Variants in DTNA observed in about 807,000 individuals in gnomAD.
The protein encoded by DTNA is dystrobrevin alpha, also known as dystrophin-related protein 3.
Under a neutral mutation model 100.7 loss-of-function variants are expected in DTNA, and 43 were observed. That is an observed-to-expected ratio of 0.43 (90% CI 0.33 to 0.55). The LOEUF (loss-of-function observed/expected upper bound fraction) is 0.55, where lower values mean the gene tolerates loss of function less well. Ranked by LOEUF, DTNA falls within the 20% of genes least tolerant of loss-of-function variation. The pLI, the probability that DTNA is intolerant of heterozygous loss-of-function variation, is 0.04. For missense variants in DTNA, 798 were observed against 953.9 expected (o/e 0.84, Z 2.15); for synonymous variants, 349 against 347.9 (o/e 1.00, Z -0.04).
intron 1 of DTNA, among the ~76,000 whole-genome samples, chr18:34,607,610 A>G (rs2053400352): frequency 6.6e-6 from 1 of 152,200 alleles, no homozygotes; most frequent in Non-Finnish European, 1.5e-5. Flanking sequence ...CCCCAATACT[A>G]CAAATACATA....
In DTNA at chr18:34,812,080, A is replaced by C; in HGVS notation, c.570A>C (p.Thr190=). 1 of 1,614,124 alleles carries C rather than the reference A, an allele frequency of 6.2e-7. No individual in the cohort carries two copies. Among genetic ancestry groups the C allele is most frequent in the Middle Eastern group, 1.7e-4 (1 of 6,060 alleles). The change falls in exon 6 of 23, where the codon ACA becomes ACC. Residue 190 remains threonine, a synonymous_variant. Transcript: ENST00000444659. ...AVFEGPSFGY[T]EQSARSCFSQ... ...TTGAAGGTCCTTCATTTGGTTACACAGAACAGTCAGCCAGATCCTGTTTCT... is the reference window on the plus strand; with the variant it reads ...TTGAAGGTCCTTCATTTGGTTACACCGAACAGTCAGCCAGATCCTGTTTCT...
intron 1 of DTNA, among the ~76,000 whole-genome samples, chr18:34,620,477 G>C (rs760684856): frequency 1.3e-5 from 2 of 152,158 alleles, no homozygotes; most frequent in African/African-American, 2.4e-5. Flanking sequence ...CTTACTCATC[G>C]TATTAGTTTA....
At chr18:34,537,661 A>G (rs1034711850) in intron 1 of DTNA, among the ~76,000 whole-genome samples, 3 of 151,992 alleles carry the variant, frequency 2.0e-5, no homozygotes, top group Non-Finnish European at 4.4e-5. Context: ...GAATGGCAAT[A>G]GTACAAAACA....
intron 1 of DTNA, among the ~76,000 whole-genome samples, chr18:34,746,144 G>A (rs1272272212): frequency 6.7e-6 from 1 of 150,038 alleles, no homozygotes; most frequent in Non-Finnish European, 1.5e-5. Flanking sequence ...ATTCAAGGTT[G>A]TCTTATTGCA....
chr18:34,515,342 T>C (rs2041495004), intron 1 of DTNA, among the ~76,000 whole-genome samples: 1 of 152,102 alleles, frequency 6.6e-6, no homozygotes, highest in Non-Finnish European at 1.5e-5. Context: ...TCTGGGTCCT[T>C]GTGCATCTCC....
chr18:34,661,973 C>A (rs566606483), intron 1 of DTNA, among the ~76,000 whole-genome samples: 1 of 152,208 alleles, frequency 6.6e-6, no homozygotes, highest in South Asian at 2.1e-4. Context: ...TATGTCTGCG[C>A]CTCTGTGTGG....
intron 1 of DTNA, among the ~76,000 whole-genome samples, chr18:34,577,924 T>A (rs2048265045): frequency 6.6e-6 from 1 of 150,960 alleles, no homozygotes; most frequent in East Asian, 1.9e-4. Context: ...TAAACATACA[T>A]GTGCAAGTTT....
intron 1 of DTNA, among the ~76,000 whole-genome samples, chr18:34,619,836 A>T (rs2056101970): frequency 6.6e-6 from 1 of 152,188 alleles, no homozygotes; most frequent in Admixed American, 6.5e-5. Context: ...TAAAGCTATG[A>T]GCAGTATGAG....
At chr18:34,882,557 A>G (rs1210976863) in intron 21 of DTNA, among the ~76,000 whole-genome samples, 1 of 151,812 alleles carries the variant, frequency 6.6e-6, no homozygotes, top group African/African-American at 2.4e-5. Context: ...TTTAGTAGAG[A>G]AGGGGCTTCA....
chr18:34,803,051 C>T (rs542097994), intron 4 of DTNA, among the ~76,000 whole-genome samples: 2 of 152,262 alleles, frequency 1.3e-5, no homozygotes, highest in South Asian at 2.1e-4. Flanking sequence ...TCTGCTCACT[C>T]CTCAAACCGC....
chr18:34,666,806 G>C (rs951213660), intron 1 of DTNA, among the ~76,000 whole-genome samples: 3 of 152,182 alleles, frequency 2.0e-5, no homozygotes, highest in Non-Finnish European at 4.4e-5. Context: ...CCAGTACCAT[G>C]CTGTTTTGGT....
intron 1 of DTNA, among the ~76,000 whole-genome samples, chr18:34,651,107 T>C (rs1199865614): frequency 6.6e-6 from 1 of 152,220 alleles, no homozygotes; most frequent in Non-Finnish European, 1.5e-5. Flanking sequence ...TTTTGTAGTC[T>C]GTCTTTATAC....
At chr18:34,572,270 T>A (rs2047662780) in intron 1 of DTNA, among the ~76,000 whole-genome samples, 1 of 152,222 alleles carries the variant, frequency 6.6e-6, no homozygotes, top group Admixed American at 6.5e-5. Context: ...TCAAATCTGC[T>A]GTTTTTCTTA....
intron 3 of DTNA, among the ~76,000 whole-genome samples, chr18:34,780,138 G>A (rs998011565): frequency 7.2e-5 from 11 of 152,106 alleles, no homozygotes; most frequent in African/African-American, 2.4e-4. Flanking sequence ...ATAAATTGTC[G>A]GTAGCTGTTT....
At chr18:34,535,838 A>G (rs544543171) in intron 1 of DTNA, among the ~76,000 whole-genome samples, 1 of 152,142 alleles carries the variant, frequency 6.6e-6, no homozygotes, top group South Asian at 2.1e-4. Flanking sequence ...TGCCCCTTAA[A>G]TACCAGAATT....
intron 1 of DTNA, among the ~76,000 whole-genome samples, chr18:34,553,536 C>T (rs1245625412): frequency 6.6e-6 from 1 of 151,926 alleles, no homozygotes; most frequent in Non-Finnish European, 1.5e-5. Flanking sequence ...GTCTTTAATC[C>T]ATCTTGAATT....
In DTNA at chr18:34,838,761, A is replaced by G. The variant is rs150679265; in HGVS notation, c.1270A>G (p.Asn424Asp). ...LKGKGIQYSL[N>D]VADRLADEHV... is the part of the protein sequence containing the mutation. ...CTGTTTCAGGATACAGTACAGCCTG[A>G]ATGTGGCAGACAGGCTAGCTGATGA... The change falls in exon 13 of 23, where the codon AAT becomes GAT. Residue 424 changes from asparagine (N) to aspartate (D), a missense_variant. Transcript: ENST00000444659. 58 of 1,613,542 alleles carry G rather than the reference A, an allele frequency of 3.6e-5. No homozygotes were observed. The African/African-American group carries it at 6.8e-4, about 19-fold the overall frequency.
chr18:34,525,450 G>A (rs2042527398), intron 1 of DTNA, among the ~76,000 whole-genome samples: 1 of 151,960 alleles, frequency 6.6e-6, no homozygotes. Context: ...AGCTCCTTCT[G>A]TCTGAGCCCC....
chr18:34,669,145 A>C (rs575333826), intron 1 of DTNA, among the ~76,000 whole-genome samples: 190 of 152,164 alleles, frequency 1.2e-3, no homozygotes, highest in Non-Finnish European at 2.3e-3. Context: ...GATAGTTAGC[A>C]CTTCTTGTTA....
Sources: gnomAD v4.1 joint callset for allele counts (sites outside exome capture counted in the v4.1 genomes callset) on GRCh38, gnomAD v4.1.1 for gene constraint, MANE v1.5 for transcripts, NCBI Gene and HGNC (gene_info 2026-07-23, HGNC 2026-07-21) for gene names.